CCL28: variants seen among roughly 807,000 people sequenced by gnomAD.
CCL28 encodes the protein C-C motif chemokine ligand 28.
A neutral mutation model predicts 7.1 loss-of-function variants in CCL28; 4 were observed. The observed-to-expected ratio is 0.56, with a 90% CI of 0.28 to 1.29. The LOEUF is 1.29. Ranked by LOEUF, CCL28 falls within the 50% of genes most tolerant of loss-of-function variation. The pLI is 0.11. For missense variants in CCL28, 151 were observed against 163.4 expected (o/e 0.92, Z 0.41); for synonymous variants, 55 against 57.8 (o/e 0.95, Z 0.22).
intron 2 of CCL28, among the ~76,000 whole-genome samples, chr5:43,386,957 T>C (rs71629107): frequency 0.11 from 16,076 of 152,234 alleles, 1,747 homozygotes; most frequent in African/African-American, 0.28. Flanking sequence ...CAGTGCTTGG[T>C]GCATAATTGT....
At chr5:43,404,006 A>G (rs1318696017) in intron 1 of CCL28, among the ~76,000 whole-genome samples, 2 of 152,236 alleles carry the variant, frequency 1.3e-5, no homozygotes, top group Admixed American at 6.5e-5. Context: ...ATATGGGACT[A>G]TGTGAAAAGA....
downstream of CCL28, among the ~76,000 whole-genome samples, chr5:43,373,928 G>A (rs1739835978): frequency 6.6e-6 from 1 of 152,178 alleles, no homozygotes; most frequent in Admixed American, 6.5e-5. Context: ...CTATCTTATA[G>A]ACAGGCTGAG....
downstream of CCL28, among the ~76,000 whole-genome samples, chr5:43,372,120 A>T (rs569793008): frequency 1.3e-5 from 2 of 152,314 alleles, no homozygotes; most frequent in Admixed American, 1.3e-4. Context: ...TTCATGAAGG[A>T]TCTGCCCTAA....
At chr5:43,371,412 TCTG>T in the CCL28 span, among the ~76,000 whole-genome samples, 2 of 152,204 alleles carry the variant, frequency 1.3e-5, no homozygotes, top group Admixed American at 6.5e-5. Flanking sequence ...TCAGATTTGG[TCTG>T]TATAACCTAC....
intron 1 of CCL28, among the ~76,000 whole-genome samples, chr5:43,389,592 GT>G (rs1740486501): frequency 6.6e-6 from 1 of 152,196 alleles, no homozygotes; most frequent in Non-Finnish European, 1.5e-5. Context: ...AAATCTGTGT[GT>G]TTAGGAATTT....
chr5:43,400,477 G>C (rs900190278), intron 1 of CCL28, among the ~76,000 whole-genome samples: 1 of 152,144 alleles, frequency 6.6e-6, no homozygotes, highest in South Asian at 2.1e-4. Context: ...GATCCACTGC[G>C]CCTGGCAGAT....
chr5:43,409,394 C>G (rs765416462), intron 1 of CCL28, among the ~76,000 whole-genome samples: 1 of 152,072 alleles, frequency 6.6e-6, no homozygotes, highest in Non-Finnish European at 1.5e-5. Flanking sequence ...CCATTGCACT[C>G]CAGCCTGGGC....
chr5:43,372,369 T>A (rs537155868), downstream of CCL28, among the ~76,000 whole-genome samples: 131 of 152,318 alleles, frequency 8.6e-4, 1 homozygote, highest in Admixed American at 5.9e-4. Flanking sequence ...TCTTTTTGTT[T>A]TGTTTGTTTG....
chr5:43,403,806 A>G (rs891383728), intron 1 of CCL28, among the ~76,000 whole-genome samples: 4 of 152,246 alleles, frequency 2.6e-5, no homozygotes, highest in Non-Finnish European at 5.9e-5. Flanking sequence ...AATGCAGAGA[A>G]GTCCTTAAAG....
the CCL28 span, among the ~76,000 whole-genome samples, chr5:43,359,141 A>G: frequency 0.083 from 12,663 of 152,268 alleles, 696 homozygotes; most frequent in Middle Eastern, 0.22. Context: ...AGCTCCTGAG[A>G]CAAGCTCGGT....
chr5:43,361,087 C>T, the CCL28 span, among the ~76,000 whole-genome samples: 1 of 152,112 alleles, frequency 6.6e-6, no homozygotes, highest in Admixed American at 6.6e-5. Context: ...TTTTCTAGTC[C>T]TGTGTTAGTT....
chr5:43,375,891 C>T (rs1401767512), downstream of CCL28, among the ~76,000 whole-genome samples: 1 of 151,040 alleles, frequency 6.6e-6, no homozygotes, highest in Non-Finnish European at 1.5e-5. Context: ...AAAAATTAGC[C>T]GGGTGTGGTG....
rs551461881 is a variant in CCL28, at chr5:43,398,445, C to T, written c.65-9969G>A. Among the ~76,000 whole-genome samples the T allele has an allele frequency of 1.2e-4, 18 of 152,326 alleles. No individual in the cohort carries two copies. In the South Asian group the frequency reaches 3.7e-3, roughly 32 times the overall value. On this transcript the variant is annotated intron_variant, in intron 1 of 2. Coordinates refer to ENST00000361115, the MANE Select transcript of CCL28 (RefSeq NM_148672.3). ...TCACTTTGTGCCCAGGCAGAGCAGA[C>T]ATTTTTCTAACATTGTCTCATTGGA...
intron 1 of CCL28, among the ~76,000 whole-genome samples, chr5:43,410,484 T>A (rs1283229815): frequency 6.6e-6 from 1 of 152,230 alleles, no homozygotes; most frequent in African/African-American, 2.4e-5. Context: ...GCTGGGTCTC[T>A]CGGCTCCCTT....
intron 1 of CCL28, among the ~76,000 whole-genome samples, chr5:43,392,211 G>C (rs1324802826): frequency 6.6e-6 from 1 of 152,124 alleles, no homozygotes; most frequent in East Asian, 1.9e-4. Flanking sequence ...CCGTCTCCGG[G>C]GTTCAAGAGA....
the CCL28 span, among the ~76,000 whole-genome samples, chr5:43,365,128 C>T: frequency 6.6e-6 from 1 of 151,780 alleles, no homozygotes; most frequent in Non-Finnish European, 1.5e-5. Flanking sequence ...CCTCAGCCTC[C>T]CAAGTAACTG....
the CCL28 span, among the ~76,000 whole-genome samples, chr5:43,370,543 T>C: frequency 6.6e-6 from 1 of 152,094 alleles, no homozygotes; most frequent in African/African-American, 2.4e-5. Context: ...CAGCTGCCAA[T>C]GTATTGTGTC....
At chr5:43,404,217 A>G (rs867369191) in intron 1 of CCL28, among the ~76,000 whole-genome samples, 7 of 152,238 alleles carry the variant, frequency 4.6e-5, no homozygotes, top group Non-Finnish European at 1.0e-4. Flanking sequence ...CAGATTCACC[A>G]AAGTTGAAAT....
At chr5:43,399,940 G>C (rs1740965172) in intron 1 of CCL28, among the ~76,000 whole-genome samples, 1 of 151,576 alleles carries the variant, frequency 6.6e-6, no homozygotes, top group African/African-American at 2.4e-5. Context: ...TGAATGCCCA[G>C]GCTCAAGTGA....
Sources: gnomAD v4.1 joint callset for allele counts (sites outside exome capture counted in the v4.1 genomes callset) on GRCh38, gnomAD v4.1.1 for gene constraint, MANE v1.5 for transcripts, NCBI Gene and HGNC (gene_info 2026-07-23, HGNC 2026-07-21) for gene names.